DST: variants seen among roughly 807,000 people sequenced by gnomAD.
The protein encoded by DST is bullous pemphigoid antigen.
In DST, 253 loss-of-function variants were observed where a neutral mutation model predicts 875.2. That is an observed-to-expected ratio of 0.29 (90% CI 0.26 to 0.32). The LOEUF is 0.32. DST is among the 10% of genes least tolerant of loss of function. The probability of loss-of-function intolerance (pLI) is 1.00; values close to 1 mark genes in which losing one functional copy is unlikely to be tolerated. For synonymous variants in DST, 3,124 were observed against 3,197.1 expected (o/e 0.98, Z 0.77); for missense variants, 8,287 against 9,111.6 (o/e 0.91, Z 3.68).
chr6:56,651,468 T>C lies in DST; in HGVS notation c.1215-224A>G, dbSNP rs558709284. Among the ~76,000 whole-genome samples, 20 of 152,348 alleles carry C rather than the reference T, an allele frequency of 1.3e-4. No homozygotes were observed. The South Asian group carries it at 3.9e-3, about 30-fold the overall frequency. ...GAAAATATAACAATTTGAACATATATAAATTTCAACAAAGTCTACAAATAT... is the reference window on the plus strand; with the variant it reads ...GAAAATATAACAATTTGAACATATACAAATTTCAACAAAGTCTACAAATAT... On this transcript the variant is annotated intron_variant, in intron 10 of 103. Transcript: ENST00000680361.
chr6:56,758,114 A>G (rs1026201571), intron 4 of DST, among the ~76,000 whole-genome samples: 8 of 152,160 alleles, frequency 5.3e-5, no homozygotes, highest in South Asian at 2.1e-4. Context: ...TTTTCCCCAT[A>G]TCCTTGTATC....
At chr6:56,494,470 C>T (rs2095847744) in intron 82 of DST, among the ~76,000 whole-genome samples, 1 of 152,080 alleles carries the variant, frequency 6.6e-6, no homozygotes, top group Non-Finnish European at 1.5e-5. Flanking sequence ...TTTCACTGTA[C>T]AGTAACTAAT....
chr6:56,850,967 A>G (rs1261704817), intron 4 of DST: 2 of 171,264 alleles, frequency 1.2e-5, no homozygotes, highest in Non-Finnish European at 1.3e-5. Flanking sequence ...CCTGGGTACC[A>G]AAAACCATGG....
chr6:56,902,420 A>AGTG (rs527426854), intron 2 of DST, among the ~76,000 whole-genome samples: 52 of 152,358 alleles, frequency 3.4e-4, no homozygotes, highest in African/African-American at 1.2e-3. Context: ...AAATGTGTAC[A>AGTG]GTGGGATTCT....
chr6:56,670,309 G>A (rs1408474856), intron 10 of DST, among the ~76,000 whole-genome samples: 1 of 151,986 alleles, frequency 6.6e-6, no homozygotes, highest in Non-Finnish European at 1.5e-5. Context: ...GCTCACCGCA[G>A]CCTTGGCCTC....
At chr6:56,489,033 T>A (rs993681976) in intron 86 of DST, among the ~76,000 whole-genome samples, 7 of 152,186 alleles carry the variant, frequency 4.6e-5, no homozygotes, top group African/African-American at 1.7e-4. Context: ...TAATTTACAA[T>A]TTAGGTACAA....
intron 36 of DST, chr6:56,614,857 T>C (rs973147225): frequency 5.0e-6 from 5 of 993,844 alleles, no homozygotes; most frequent in Admixed American, 5.9e-5. Context: ...AGAAGGCTGA[T>C]AGAATAGAGA....
chr6:56,936,945 C>A (rs184369518), intron 2 of DST, among the ~76,000 whole-genome samples: 5 of 151,756 alleles, frequency 3.3e-5, no homozygotes, highest in Admixed American at 3.3e-4. Flanking sequence ...ACAGAGAAAA[C>A]ACCAGCTCCA....
chr6:56,692,434 A>G, intron 9 of DST: 2 of 1,289,360 alleles, frequency 1.6e-6, no homozygotes, highest in South Asian at 2.5e-5. Context: ...ACTAGTATAA[A>G]GGGAATGGCA....
chr6:56,762,009 A>T (rs2099618309), intron 4 of DST, among the ~76,000 whole-genome samples: 1 of 149,532 alleles, frequency 6.7e-6, no homozygotes, highest in Admixed American at 6.6e-5. Context: ...TGTCAACTTT[A>T]AACAAGACTC....
At chr6:56,646,252 C>A in intron 13 of DST, 70 bp from the exon 14 acceptor site, 1 of 857,524 alleles carries the variant, frequency 1.2e-6, no homozygotes, top group Non-Finnish European at 1.8e-6. Flanking sequence ...CACTAAGCCA[C>A]CACTTCAAGT....
intron 3 of DST, among the ~76,000 whole-genome samples, chr6:56,870,258 T>C (rs1776382003): frequency 6.6e-6 from 1 of 151,428 alleles, no homozygotes; most frequent in African/African-American, 2.4e-5. Context: ...AAATGCTAAT[T>C]AGGCAAAAAC....
At chr6:56,618,804 A>G in intron 36 of DST, 1 of 1,614,116 alleles carries the variant, frequency 6.2e-7, no homozygotes, top group Non-Finnish European at 8.5e-7. Context: ...AATTTACCAG[A>G]TTCTTCCTGA....
chr6:56,487,075 T>C (rs752595358), intron 87 of DST, 29 bp downstream of exon 87: 2 of 1,611,016 alleles, frequency 1.2e-6, no homozygotes, highest in Admixed American at 1.7e-5. Context: ...GTCTACAGAG[T>C]AACCAAACTG....
intron 4 of DST, among the ~76,000 whole-genome samples, chr6:56,785,417 A>T (rs1486721637): frequency 6.6e-6 from 1 of 152,100 alleles, no homozygotes; most frequent in Non-Finnish European, 1.5e-5. Context: ...GGGCAATGGC[A>T]GGCGCCCCTC....
intron 102 of DST, chr6:56,461,198 A>G (rs930797087): frequency 1.4e-5 from 2 of 142,490 alleles, no homozygotes; most frequent in African/African-American, 6.2e-5. Context: ...AGTTACTCTT[A>G]TTAATATTAA....
rs770306399 is a variant in DST, at chr6:56,620,416, C to T, written c.4929+4114G>A. On this transcript the variant is annotated intron_variant, in intron 36 of 103. Transcript: ENST00000680361. ...CCAGTTCTCTTTCAGCGGCTTCCTT[C>T]TCTCTCACAATGGTTTCAAGTTCCC... is the stretch of plus-strand genomic sequence containing the variant. The T allele has an allele frequency of 1.9e-6, 3 of 1,614,192 alleles. No homozygotes were observed. The highest frequency in any genetic ancestry group is 2.2e-5 in the South Asian group (2 of 91,084).
chr6:56,614,276 A>G, intron 37 of DST, 80 bp downstream of exon 37: 7 of 1,298,732 alleles, frequency 5.4e-6, no homozygotes, highest in Middle Eastern at 2.4e-4. Flanking sequence ...AAAATTAAAC[A>G]TTGTGCTAGG....
intron 49 of DST, among the ~76,000 whole-genome samples, chr6:56,587,465 G>C (rs1327342742): frequency 3.3e-5 from 5 of 152,166 alleles, no homozygotes; most frequent in Non-Finnish European, 5.9e-5. Context: ...GGGGAGAATG[G>C]AACCAAGTTG....
Sources: gnomAD v4.1 joint callset for allele counts (sites outside exome capture counted in the v4.1 genomes callset) on GRCh38, gnomAD v4.1.1 for gene constraint, MANE v1.5 for transcripts, NCBI Gene and HGNC (gene_info 2026-07-23, HGNC 2026-07-21) for gene names.